The following CADM2 variants were observed in gnomAD, a reference collection of about 807,000 sequenced individuals.
The protein encoded by CADM2 is immunoglobulin superfamily member 4D.
A neutral mutation model predicts 49.8 loss-of-function variants in CADM2; 12 were observed. That is an observed-to-expected ratio of 0.24 (90% CI 0.15 to 0.39). CADM2 has a LOEUF of 0.39. CADM2 is among the 10% of genes least tolerant of loss of function. The probability of loss-of-function intolerance (pLI) is 1.00; values close to 1 mark genes in which losing one functional copy is unlikely to be tolerated. For synonymous variants in CADM2, 214 were observed against 175.4 expected (o/e 1.22, Z -1.74); for missense variants, 378 against 492.3 (o/e 0.77, Z 2.20).
chr3:86,053,893 T>C (rs922232753), intron 8 of CADM2, among the ~76,000 whole-genome samples: 1 of 152,068 alleles, frequency 6.6e-6, no homozygotes, highest in East Asian at 1.9e-4. Flanking sequence ...ATGGGACAAG[T>C]ATTGTACTAA....
chr3:85,855,487 G>T (rs2075270154), intron 3 of CADM2, among the ~76,000 whole-genome samples: 1 of 150,960 alleles, frequency 6.6e-6, no homozygotes, highest in African/African-American at 2.4e-5. Context: ...CATAATGTGA[G>T]ATTTATTCAA....
chr3:84,974,049 A>G lies in CADM2; in HGVS notation c.61+14381A>G, dbSNP rs990765736. Among the ~76,000 whole-genome samples, 5 of 152,144 alleles carry G rather than the reference A, an allele frequency of 3.3e-5. No individual in the cohort carries two copies. The South Asian group carries it at 1.0e-3, about 31-fold the overall frequency. ...AACACACATCATATGAACAGGCTACAAATATTCTTGGCATCATATTTTACT... is the reference window on the plus strand; with the variant it reads ...AACACACATCATATGAACAGGCTACGAATATTCTTGGCATCATATTTTACT... On this transcript the variant is annotated intron_variant, in intron 1 of 9. Transcript: ENST00000383699.
intron 1 of CADM2, among the ~76,000 whole-genome samples, chr3:85,721,674 A>G (rs540846599): frequency 6.0e-4 from 92 of 152,258 alleles, no homozygotes; most frequent in African/African-American, 2.1e-3. Flanking sequence ...ACCGGGAACC[A>G]AGGTAGTGCC....
At chr3:85,625,234 T>C (rs1327664855) in intron 1 of CADM2, among the ~76,000 whole-genome samples, 1 of 152,142 alleles carries the variant, frequency 6.6e-6, no homozygotes, top group Non-Finnish European at 1.5e-5. Flanking sequence ...CTAACTTAAA[T>C]AATTTTGCAA....
At chr3:85,435,024 T>G (rs776856536) in intron 1 of CADM2, among the ~76,000 whole-genome samples, 5 of 152,150 alleles carry the variant, frequency 3.3e-5, no homozygotes, top group Admixed American at 6.6e-5. Flanking sequence ...TTTATTTTAT[T>G]TCATTTTTTA....
At chr3:85,092,146 C>A (rs1644744219) in intron 1 of CADM2, among the ~76,000 whole-genome samples, 1 of 152,050 alleles carries the variant, frequency 6.6e-6, no homozygotes, top group Admixed American at 6.6e-5. Flanking sequence ...AAACAATGCG[C>A]CCTGTCCTGG....
chr3:85,441,571 C>T (rs1395105504), intron 1 of CADM2, among the ~76,000 whole-genome samples: 2 of 151,946 alleles, frequency 1.3e-5, no homozygotes, highest in Non-Finnish European at 2.9e-5. Flanking sequence ...TGATTTTTAT[C>T]CTCTCTTTAT....
In CADM2 at chr3:85,394,068, T is replaced by C. The variant is rs2034651098; in HGVS notation, c.62-332454T>C. Among the ~76,000 whole-genome samples the C allele has an allele frequency of 3.3e-5, 5 of 152,292 alleles. No homozygotes were observed. The South Asian group carries it at 1.0e-3, about 32-fold the overall frequency. ...CCTCGGCCTCCCAAAGTGCTGGGAT[T>C]ACAGGCGTAAGCCACCGCGCCTGGC... On this transcript the variant is annotated intron_variant, in intron 1 of 9. Coordinates refer to ENST00000383699, the MANE Select transcript of CADM2 (RefSeq NM_001167675.2).
intron 1 of CADM2, among the ~76,000 whole-genome samples, chr3:84,988,597 C>T (rs902160072): frequency 6.6e-6 from 1 of 152,174 alleles, no homozygotes; most frequent in African/African-American, 2.4e-5. Flanking sequence ...TTGGGTTCCT[C>T]GGCTTTGAAA....
At chr3:85,822,516 G>C (rs180741944) in intron 3 of CADM2, among the ~76,000 whole-genome samples, 1 of 152,024 alleles carries the variant, frequency 6.6e-6, no homozygotes, top group Non-Finnish European at 1.5e-5. Context: ...CCTGGGGGGC[G>C]AAGGTTGCAA....
chr3:85,926,000 G>A (rs912910458), intron 6 of CADM2, among the ~76,000 whole-genome samples: 1 of 151,870 alleles, frequency 6.6e-6, no homozygotes, highest in African/African-American at 2.4e-5. Context: ...GACCGGGCGT[G>A]GTGGAAGACG....
intron 1 of CADM2, among the ~76,000 whole-genome samples, chr3:85,479,642 T>G (rs942916866): frequency 2.0e-5 from 3 of 151,930 alleles, no homozygotes; most frequent in Admixed American, 6.6e-5. Flanking sequence ...ATCTATGATG[T>G]CAGTTGTAGG....
intron 1 of CADM2, among the ~76,000 whole-genome samples, chr3:85,434,397 A>G (rs1232198879): frequency 2.6e-5 from 4 of 151,948 alleles, no homozygotes; most frequent in South Asian, 2.1e-4. Flanking sequence ...AGTTATGATT[A>G]TCTTTGAAAA....
At chr3:85,985,943 A>G (rs996870816) in intron 8 of CADM2, among the ~76,000 whole-genome samples, 2 of 152,054 alleles carry the variant, frequency 1.3e-5, no homozygotes, top group Non-Finnish European at 2.9e-5. Context: ...GTGCACTACG[A>G]AAGAGTTTCA....
At chr3:85,936,673 C>A (rs1169140997) in intron 7 of CADM2, among the ~76,000 whole-genome samples, 6 of 151,660 alleles carry the variant, frequency 4.0e-5, no homozygotes, top group Non-Finnish European at 7.4e-5. Context: ...TTGCTTCTGG[C>A]AAATCAGGTT....
At chr3:85,586,011 A>G (rs2062934181) in intron 1 of CADM2, among the ~76,000 whole-genome samples, 1 of 152,054 alleles carries the variant, frequency 6.6e-6, no homozygotes, top group Non-Finnish European at 1.5e-5. Flanking sequence ...AATTAATCTC[A>G]GCTGTACTTC....
intron 2 of CADM2, among the ~76,000 whole-genome samples, chr3:85,779,197 A>AT (rs397875485): frequency 0.088 from 13,008 of 148,364 alleles, 1,283 homozygotes; most frequent in African/African-American, 0.25. Flanking sequence ...TGAGTTAATG[A>AT]TTTTTTTTTT....
At chr3:85,611,985 A>G (rs1423001784) in intron 1 of CADM2, among the ~76,000 whole-genome samples, 1 of 151,830 alleles carries the variant, frequency 6.6e-6, no homozygotes, top group Non-Finnish European at 1.5e-5. Flanking sequence ...ATTCCTAGTC[A>G]TTCACAAATA....
intron 1 of CADM2, among the ~76,000 whole-genome samples, chr3:85,671,671 G>A (rs931796039): frequency 1.4e-4 from 22 of 151,970 alleles, no homozygotes; most frequent in African/African-American, 3.9e-4. Context: ...GACATGAAGC[G>A]ACCCTCTTAC....
Sources: gnomAD v4.1 joint callset for allele counts (sites outside exome capture counted in the v4.1 genomes callset) on GRCh38, gnomAD v4.1.1 for gene constraint, MANE v1.5 for transcripts, NCBI Gene and HGNC (gene_info 2026-07-23, HGNC 2026-07-21) for gene names.